ADAM12: variants seen among roughly 807,000 people sequenced by gnomAD.
The protein encoded by ADAM12 is disintegrin and metalloproteinase domain-containing protein 12.
A neutral mutation model predicts 106.4 loss-of-function variants in ADAM12; 70 were observed. The ratio of observed to expected loss-of-function variants is 0.66; its 90% CI spans 0.54 to 0.80. ADAM12 has a LOEUF of 0.80. Ranked by LOEUF, ADAM12 falls within the 30% of genes least tolerant of loss-of-function variation. ADAM12 has a pLI of 0.00. For missense variants in ADAM12, 1,010 were observed against 1,171.9 expected (o/e 0.86, Z 2.02); for synonymous variants, 420 against 433.5 (o/e 0.97, Z 0.39).
intron 12 of ADAM12, among the ~76,000 whole-genome samples, chr10:126,071,184 C>A (rs1954981857): frequency 6.7e-6 from 1 of 149,022 alleles, no homozygotes; most frequent in Non-Finnish European, 1.5e-5. Context: ...CTCTGTCAAA[C>A]TCAAAGCTAA....
At chr10:126,085,420 C>T (rs897000759) in intron 11 of ADAM12, among the ~76,000 whole-genome samples, 1 of 152,168 alleles carries the variant, frequency 6.6e-6, no homozygotes, top group Non-Finnish European at 1.5e-5. Context: ...AAGAGAAAAC[C>T]TCACTCTGCA....
In ADAM12 at chr10:126,084,120, C is replaced by T. The variant is rs3781025; in HGVS notation, c.1145+9865G>A. On this transcript the variant is annotated intron_variant, in intron 11 of 22. Transcript: ENST00000448723. ...CATGGTCTTAACTTGTGAACTTTGA[C>T]CTCTGCTCCTCCTCCCTGAAACCAA... Among the ~76,000 whole-genome samples the T allele has an allele frequency of 2.0e-5, 3 of 152,178 alleles. No homozygotes were observed. In the East Asian group the frequency reaches 5.8e-4, roughly 29 times the overall value.
intron 3 of ADAM12, among the ~76,000 whole-genome samples, chr10:126,193,908 T>TAAAAC (rs1199549564): frequency 1.9e-5 from 2 of 104,650 alleles, no homozygotes; most frequent in Non-Finnish European, 3.1e-5. Context: ...TAAAATGAAA[T>TAAAAC]AAAATAAAAT....
At chr10:126,321,253 A>G (rs1329740255) in intron 2 of ADAM12, among the ~76,000 whole-genome samples, 2 of 152,226 alleles carry the variant, frequency 1.3e-5, no homozygotes, top group Non-Finnish European at 2.9e-5. Flanking sequence ...AAGGTAAATC[A>G]TGATATCTCC....
chr10:126,241,393 T>G (rs1034908930), intron 3 of ADAM12, among the ~76,000 whole-genome samples: 2 of 152,232 alleles, frequency 1.3e-5, no homozygotes, highest in Non-Finnish European at 2.9e-5. Context: ...GAATCACATC[T>G]CAATTAGAAG....
chr10:126,326,306 G>A lies in ADAM12; in HGVS notation c.186+4106C>T, dbSNP rs151247974. 4.3e-4 allele frequency among the ~76,000 whole-genome samples: 65 copies of A among 152,146 alleles called. 1 individual carries two copies. The East Asian group carries it at 0.012, about 28-fold the overall frequency. On this transcript the variant is annotated intron_variant, in intron 2 of 22. Coordinates refer to ENST00000448723, the MANE Select transcript of ADAM12 (RefSeq NM_001288973.2). Reference sequence around the variant, plus strand: ...CACTGTTATTTGTAAAAGTTTCTGGGTGATTCTAAAATGCAGCTAGGGTGA... The same window carrying A: ...CACTGTTATTTGTAAAAGTTTCTGGATGATTCTAAAATGCAGCTAGGGTGA...
Position 126,201,682 on chromosome 10 carries a change from G to A in ADAM12, c.261-46377C>T, listed in dbSNP as rs914248059. Among the ~76,000 whole-genome samples, 13 of 152,302 alleles carry A rather than the reference G, an allele frequency of 8.5e-5. No individual in the cohort carries two copies. In the East Asian group the frequency reaches 2.1e-3, roughly 25 times the overall value. On this transcript the variant is annotated intron_variant, in intron 3 of 22. Coordinates refer to ENST00000448723, the MANE Select transcript of ADAM12 (RefSeq NM_001288973.2). Reference sequence around the variant, plus strand: ...GGAAGACATGATGTAGTCACCAGATGAGAGAGTGGTGGTGACAAGGAACAG... The same window carrying A: ...GGAAGACATGATGTAGTCACCAGATAAGAGAGTGGTGGTGACAAGGAACAG...
chr10:126,248,745 G>A (rs754358479), intron 3 of ADAM12, among the ~76,000 whole-genome samples: 16 of 151,244 alleles, frequency 1.1e-4, no homozygotes, highest in Non-Finnish European at 1.5e-4. Context: ...AGTCTCTGTC[G>A]CCCAGGCTGA....
chr10:126,227,898 A>G (rs3858308), intron 3 of ADAM12, among the ~76,000 whole-genome samples: 66,025 of 151,672 alleles, frequency 0.44, 15,482 homozygotes, highest in South Asian at 0.65. Flanking sequence ...GTCATGACAG[A>G]TGGTGAGCTG....
intron 2 of ADAM12, among the ~76,000 whole-genome samples, chr10:126,325,965 G>A (rs760017500): frequency 1.1e-4 from 16 of 152,134 alleles, no homozygotes; most frequent in Non-Finnish European, 4.4e-5. Context: ...CACACACAAG[G>A]TCACCTCCTT....
rs555199324 is a variant in ADAM12 at position 126,227,346 on chromosome 10, G to A, written c.260+51569C>T. 3.9e-5 allele frequency among the ~76,000 whole-genome samples: 6 copies of A among 152,012 alleles called. No homozygotes were observed. In the East Asian group the frequency reaches 5.8e-4, roughly 15 times the overall value. On this transcript the variant is annotated intron_variant, in intron 3 of 22. Coordinates refer to ENST00000448723, the MANE Select transcript of ADAM12 (RefSeq NM_001288973.2). ...CACCTGTCATCATAACCACATCACC[G>A]CTGTTATCATCATCATCTTCACTAT...
At chr10:126,375,613 G>T (rs537860963) in intron 1 of ADAM12, among the ~76,000 whole-genome samples, 1 of 149,722 alleles carries the variant, frequency 6.7e-6, no homozygotes, top group Non-Finnish European at 1.5e-5. Context: ...AACTGGGAAA[G>T]AGTAGGTATA....
intron 2 of ADAM12, among the ~76,000 whole-genome samples, chr10:126,286,785 G>A (rs1050318312): frequency 2.0e-5 from 3 of 152,200 alleles, no homozygotes; most frequent in Admixed American, 6.5e-5. Flanking sequence ...TAATGATAAT[G>A]TTTATTCTTG....
chr10:126,165,420 G>C (rs1280827606), intron 3 of ADAM12, among the ~76,000 whole-genome samples: 1 of 152,206 alleles, frequency 6.6e-6, no homozygotes, highest in Non-Finnish European at 1.5e-5. Context: ...GCCTCCCAAA[G>C]TGCTGGGATT....
At chr10:126,089,053 G>A (rs748185202) in intron 11 of ADAM12, among the ~76,000 whole-genome samples, 18 of 151,962 alleles carry the variant, frequency 1.2e-4, no homozygotes, top group Non-Finnish European at 1.8e-4. Flanking sequence ...CACGCTGCCC[G>A]CCCCAACTCC....
At chr10:126,159,110 C>A (rs1297176459) in intron 3 of ADAM12, among the ~76,000 whole-genome samples, 3 of 152,014 alleles carry the variant, frequency 2.0e-5, no homozygotes, top group Admixed American at 6.5e-5. Context: ...GAGATCGAGA[C>A]CATTCTGGCT....
chr10:126,361,254 T>C (rs1158715460), intron 1 of ADAM12, among the ~76,000 whole-genome samples: 1 of 152,088 alleles, frequency 6.6e-6, no homozygotes, highest in Non-Finnish European at 1.5e-5. Flanking sequence ...AACTTGTATA[T>C]TGAAAATTAT....
intron 3 of ADAM12, among the ~76,000 whole-genome samples, chr10:126,212,885 G>A (rs1207902058): frequency 6.6e-6 from 1 of 152,172 alleles, no homozygotes; most frequent in Non-Finnish European, 1.5e-5. Flanking sequence ...CATGCAGTCA[G>A]AGTAACTTTT....
rs541191246 is a variant in ADAM12 at position 126,015,515 on chromosome 10, C to T, written c.*1764G>A. The T allele has an allele frequency of 6.6e-6, 1 of 152,278 alleles. No homozygotes were observed. The highest frequency in any genetic ancestry group is 2.1e-4 in the South Asian group (1 of 4,824). The allele number at this position is 152,278 out of a possible 1,614,324, so 9.4% of individuals were successfully genotyped here. A position where few individuals can be genotyped will look rare whatever the true frequency, so the allele number is the denominator to read the frequency against. On this transcript the variant is annotated 3_prime_UTR_variant, in exon 23 of 23. Coordinates refer to ENST00000448723, the MANE Select transcript of ADAM12 (RefSeq NM_001288973.2). ...AAGAACTTAATAACTATAGAATAAA[C>T]AGATGCATGCTATACGAGTTGGAAT...
Sources: gnomAD v4.1 joint callset for allele counts (sites outside exome capture counted in the v4.1 genomes callset) on GRCh38, gnomAD v4.1.1 for gene constraint, MANE v1.5 for transcripts, NCBI Gene and HGNC (gene_info 2026-07-23, HGNC 2026-07-21) for gene names.